The following CDK12 variants were observed in gnomAD, a reference collection of about 807,000 sequenced individuals.
CDK12 encodes cyclin-dependent kinase 12.
Under a neutral mutation model 133.8 loss-of-function variants are expected in CDK12, and 17 were observed. The ratio of observed to expected loss-of-function variants is 0.13; its 90% CI spans 0.09 to 0.19. The LOEUF (loss-of-function observed/expected upper bound fraction) is 0.19, where lower values mean the gene tolerates loss of function less well. Among genes scored for constraint, CDK12 ranks in the 10% least tolerant of loss-of-function variants. The pLI is 1.00. For missense variants in CDK12, 1,508 were observed against 1,818.7 expected, an observed-to-expected ratio of 0.83 and a Z score of 3.11; for synonymous variants, 694 against 683.6, an observed-to-expected ratio of 1.02 and a Z score of -0.24.
At chr17:39,469,502 A>T (rs2049616637) in intron 1 of CDK12, among the ~76,000 whole-genome samples, 1 of 152,184 alleles carries the variant, frequency 6.6e-6, no homozygotes, top group Admixed American at 6.6e-5. Flanking sequence ...TAAACTGAGG[A>T]TGCAAGGAAC....
intron 3 of CDK12, among the ~76,000 whole-genome samples, chr17:39,560,962 C>T (rs2056351336): frequency 6.6e-6 from 1 of 152,052 alleles, no homozygotes; most frequent in African/African-American, 2.4e-5. Flanking sequence ...TGCAGTGAGC[C>T]AAGATCGTGC....
At chr17:39,495,924 T>TG (rs2052071157) in intron 5 of CDK12, among the ~76,000 whole-genome samples, 1 of 152,146 alleles carries the variant, frequency 6.6e-6, no homozygotes, top group Non-Finnish European at 1.5e-5. Flanking sequence ...TTTTTGTTTT[T>TG]TTTTTGAGAC....
chr17:39,498,945 T>TGAGACAGAG (rs1447646735), intron 5 of CDK12, among the ~76,000 whole-genome samples: 8 of 34 alleles, frequency 0.24, 4 homozygotes, highest in Admixed American at 1. Flanking sequence ...CTTTCTTTCT[T>TGAGACAGAG]TCTTTCTTTC....
intron 3 of CDK12, among the ~76,000 whole-genome samples, chr17:39,562,897 CTTTTCTTTTTTTTTTTT>C (rs1567827038): frequency 1.1e-4 from 10 of 93,682 alleles, no homozygotes; most frequent in Admixed American, 3.5e-4. Flanking sequence ...TTTTCTTTTT[CTTTTCTTTTTTTTTTTT>C]TTTTTTTTTT....
intron 1 of CDK12, 45 bp downstream of exon 1, chr17:39,463,162 C>G (rs758668021): frequency 3.3e-6 from 5 of 1,535,940 alleles, no homozygotes; most frequent in Non-Finnish European, 4.5e-6. Flanking sequence ...GGGTGGGTTG[C>G]GAGGAATTGG....
At chr17:39,484,373 T>C (rs190374795) in intron 2 of CDK12, among the ~76,000 whole-genome samples, 1 of 152,306 alleles carries the variant, frequency 6.6e-6, no homozygotes, top group Admixed American at 6.5e-5. Context: ...ACATCAGCGC[T>C]TCCTGGTAGT....
chr17:39,506,238 A>G (rs1011106192), intron 6 of CDK12, among the ~76,000 whole-genome samples: 2 of 122,480 alleles, frequency 1.6e-5, no homozygotes, highest in African/African-American at 6.8e-5. Context: ...TTTTTTTGAG[A>G]TGGAGTCTCA....
At position 39,471,359 on chromosome 17, in the gene CDK12, A is replaced by G; in HGVS notation, c.1527A>G (p.Lys509=). 1 of 1,614,114 alleles carries G rather than the reference A, an allele frequency of 6.2e-7. No homozygotes were observed. The highest frequency in any genetic ancestry group is 8.5e-7 in the Non-Finnish European group (1 of 1,180,024). Residue 509 remains lysine, a synonymous_variant, in exon 2 of 14, where the codon AAA becomes AAG. Transcript: ENST00000447079. ...GTRDSKPIAL[K]EEIVTPKETE... ...GAGACTCTAAACCCATAGCACTGAA[A>G]GAGGAGATTGTTACTCCAAAGGAGA...
At chr17:39,538,216 T>G (rs757668019), downstream of CDK12, among the ~76,000 whole-genome samples, 1 of 152,232 alleles carries the variant, frequency 6.6e-6, no homozygotes, top group Non-Finnish European at 1.5e-5. Flanking sequence ...TGCATCACAT[T>G]AAACAGTTAT....
exon 4 of CDK12, chr17:39,564,791 T>A (rs946604125): frequency 1.3e-5 from 2 of 152,248 alleles, no homozygotes; most frequent in African/African-American, 4.8e-5. Context: ...AGAGGGATTA[T>A]CCGCAGCCTG....
chr17:39,537,553 ATTTAT>A (rs1215731408), downstream of CDK12, among the ~76,000 whole-genome samples: 1 of 136,218 alleles, frequency 7.3e-6, no homozygotes, highest in Non-Finnish European at 1.5e-5. Context: ...ATTTTTATTT[ATTTAT>A]TTATTTATTT....
intron 1 of CDK12, chr17:39,550,653 C>T (rs2055916585): frequency 6.6e-6 from 1 of 152,110 alleles, no homozygotes; most frequent in Admixed American, 6.5e-5. Context: ...AAAATAAGTG[C>T]CATGGAGATT....
chr17:39,482,600 T>A (rs1427762168), intron 2 of CDK12, among the ~76,000 whole-genome samples: 1 of 84,998 alleles, frequency 1.2e-5, no homozygotes, highest in African/African-American at 3.3e-5. Flanking sequence ...ATCAACTACA[T>A]TTTTTTTTTT....
At chr17:39,524,399 A>T (rs2054368234) in intron 11 of CDK12, among the ~76,000 whole-genome samples, 1 of 152,232 alleles carries the variant, frequency 6.6e-6, no homozygotes. Flanking sequence ...GACAGTATTT[A>T]TATGGGAATT....
Position 39,501,249 on chromosome 17 carries a change from G to T in CDK12, c.2420-1G>T. 6.7e-6 allele frequency: 10 copies of T among 1,501,600 alleles called. No individual in the cohort carries two copies. Among genetic ancestry groups the T allele is most frequent in the East Asian group, 2.5e-5 (1 of 40,402 alleles). The allele number at this position is 1,501,600 out of a possible 1,614,324, so 93.0% of individuals were successfully genotyped here. A position where few individuals can be genotyped will look rare whatever the true frequency, so the allele number is the denominator to read the frequency against. On this transcript the variant is annotated splice_acceptor_variant, in intron 5 of 13. Coordinates refer to ENST00000447079, the MANE Select transcript of CDK12 (RefSeq NM_016507.4). LOFTEE classifies it high-confidence loss of function. The stretch of plus-strand genomic sequence containing the variant: ...TTTAATTTTTTTTCGTCTTTATGTA[G>T]GTGCCTTTTACCTTGTATTTGAGTA...
intron 6 of CDK12, among the ~76,000 whole-genome samples, chr17:39,506,212 A>ATTTTTTTTTTTTTTTTTTTTTTTTTTT (rs1177367409): frequency 8.3e-6 from 1 of 119,776 alleles, no homozygotes. Context: ...TGATTATATG[A>ATTTTTTTTTTTTTTTTTTTTTTTTTTT]TTTTTTTTTT....
intron 6 of CDK12, among the ~76,000 whole-genome samples, chr17:39,503,839 AAGAG>A (rs1303208065): frequency 6.6e-6 from 1 of 152,162 alleles, no homozygotes; most frequent in Non-Finnish European, 1.5e-5. Context: ...AACAGGTGGC[AAGAG>A]AGAGAGAAGA....
At chr17:39,489,639 G>A (rs1243745430) in intron 2 of CDK12, among the ~76,000 whole-genome samples, 2 of 150,712 alleles carry the variant, frequency 1.3e-5, no homozygotes, top group African/African-American at 4.9e-5. Context: ...ATTACAGGCA[G>A]CTGCTACCAT....
chr17:39,462,153 G>A lies in CDK12; in HGVS notation c.82G>A (p.Gly28Ser), dbSNP rs2144848524. ...AACTTTGCAGCCGTCATCGGGAGGCGGCAGCTCTAACAGCAGAGAGCGTCA... is the reference window on the plus strand; with the variant it reads ...AACTTTGCAGCCGTCATCGGGAGGCAGCAGCTCTAACAGCAGAGAGCGTCA... Reference protein sequence around the residue: ...SGTLQPSSGGGSSNSRERHRL... With the variant: ...SGTLQPSSGGSSSNSRERHRL... Residue 28 changes from glycine (G) to serine (S), a missense_variant, in exon 1 of 14, where the codon GGC becomes AGC. Transcript: ENST00000447079. 2 of 1,614,220 alleles carry A rather than the reference G, an allele frequency of 1.2e-6. No individual in the cohort carries two copies. The highest frequency in any genetic ancestry group is 1.7e-6 in the Non-Finnish European group (2 of 1,180,034).
Sources: allele counts gnomAD v4.1 joint callset (sites outside exome capture counted in the v4.1 genomes callset), GRCh38; gene constraint gnomAD v4.1.1; transcripts MANE v1.5; gene names NCBI Gene and HGNC (gene_info 2026-07-23, HGNC 2026-07-21).